ACSBG1: variants seen among roughly 807,000 people sequenced by gnomAD.
ACSBG1 encodes acyl-CoA synthetase bubblegum family member 1.
A neutral mutation model predicts 80.2 loss-of-function variants in ACSBG1; 39 were observed. The observed-to-expected ratio is 0.49, with a 90% CI of 0.38 to 0.64. The LOEUF (loss-of-function observed/expected upper bound fraction) is 0.64, where lower values mean the gene tolerates loss of function less well. ACSBG1 is among the 30% of genes least tolerant of loss of function. The pLI is 0.00. For missense variants in ACSBG1, 828 were observed against 966.4 expected (o/e 0.86, Z 1.90); for synonymous variants, 392 against 379.5 (o/e 1.03, Z -0.38).
chr15:78,206,154 C>T (rs951762350), intron 2 of ACSBG1, among the ~76,000 whole-genome samples: 8 of 152,312 alleles, frequency 5.3e-5, no homozygotes, highest in South Asian at 4.1e-4. Flanking sequence ...CGGTGGCCTC[C>T]GCTCTGGGCG....
In ACSBG1 at chr15:78,173,838, C is replaced by T; in HGVS notation, c.1844G>A (p.Cys615Tyr). 1 of 1,613,400 alleles carries T rather than the reference C, an allele frequency of 6.2e-7. No individual in the cohort carries two copies. The highest frequency in any genetic ancestry group is 1.3e-5 in the African/African-American group (1 of 75,030). ...GTCAGAGGTGTCTGGGTCCAGAGTG[C>T]ACTGAAAAGCCAGAGATCAGATGAG... ...KFLSMLLTLK[C>Y]TLDPDTSDQT... Residue 615 changes from cysteine to tyrosine, a missense_variant and splice_region_variant, in exon 13 of 14, where the codon TGC becomes TAC. Physicochemically the swap from Cys to Tyr is radical, Grantham distance 194. Around this residue, in one of 3 missense-constraint regions of ACSBG1, gnomAD observed 201 missense variants for 227.0 expected, o/e 0.89. Transcript: ENST00000258873.
In ACSBG1 at chr15:78,168,096, T is replaced by A. The variant is rs2074769788; in HGVS notation, c.*3348A>T. 6.6e-6 allele frequency: 1 copy of A among 152,068 alleles called. No individual in the cohort carries two copies. Among genetic ancestry groups the A allele is most frequent in the South Asian group, 2.1e-4 (1 of 4,818 alleles). 9.4% of individuals were successfully genotyped at this position (152,068 alleles called of 1,614,324 possible). The stretch of plus-strand genomic sequence containing the variant: ...ATAAGCTGGTAGAACAGATCAGTTG[T>A]ATGGGAGGCTTTCTTTCCTAAAGAG... On this transcript the variant is annotated 3_prime_UTR_variant, in exon 14 of 14. Transcript: ENST00000258873.
chr15:78,168,918 T>C lies in ACSBG1; in HGVS notation c.*2526A>G. On this transcript the variant is annotated 3_prime_UTR_variant, in exon 14 of 14. Transcript: ENST00000258873. The stretch of plus-strand genomic sequence containing the variant: ...CTTTTATTTTTGCTTTTTCCTTTTC[T>C]CAGAGCTTGACAAAAGATTTGGGAG... 6.3e-7 allele frequency: 1 copy of C among 1,585,588 alleles called. No homozygotes were observed. The highest frequency in any genetic ancestry group is 2.3e-5 in the East Asian group (1 of 44,444).
At chr15:78,218,873 G>A (rs760614303) in intron 1 of ACSBG1, among the ~76,000 whole-genome samples, 66 of 149,086 alleles carry the variant, frequency 4.4e-4, no homozygotes, top group Non-Finnish European at 8.3e-4. Flanking sequence ...GTGCAGTGGC[G>A]CGATCTTGGC....
chr15:78,189,044 T>C (rs1595886684), intron 5 of ACSBG1, among the ~76,000 whole-genome samples: 1 of 152,028 alleles, frequency 6.6e-6, no homozygotes, highest in East Asian at 1.9e-4. Flanking sequence ...AGAAGACATC[T>C]ATGCAGCCAA....
At position 78,168,296 on chromosome 15, in the gene ACSBG1, T is replaced by C. The variant is rs996513340; in HGVS notation, c.*3148A>G. 1.3e-5 allele frequency: 2 copies of C among 151,924 alleles called. No homozygotes were observed. Among genetic ancestry groups the C allele is most frequent in the African/African-American group, 4.8e-5 (2 of 41,342 alleles). The allele number at this position is 151,924 out of a possible 1,614,324, so 9.4% of individuals were successfully genotyped here. The stretch of plus-strand genomic sequence containing the variant: ...AGAGTTAATGATTTAAATATTTCTT[T>C]CGTATTTGTGTCCCAGCCTCCAAAA... On this transcript the variant is annotated 3_prime_UTR_variant, in exon 14 of 14. Coordinates refer to ENST00000258873, the MANE Select transcript of ACSBG1 (RefSeq NM_015162.5).
At position 78,177,331 on chromosome 15, in the gene ACSBG1, T is replaced by A. The variant is rs1229456709; in HGVS notation, c.1702+1283A>T. Among the ~76,000 whole-genome samples the A allele has an allele frequency of 6.6e-6, 1 of 152,144 alleles. No individual in the cohort carries two copies. The highest frequency in any genetic ancestry group is 1.5e-5 in the Non-Finnish European group (1 of 68,038). ...AGAATAGAGTCCACACATAGACCTC[T>A]CATAGACAGTCACTTCATAAAGGAC... On this transcript the variant is annotated intron_variant, in intron 11 of 13. Transcript: ENST00000258873. This position sits in a 1 kb window ranked among gnomAD's most constrained non-coding sequence, Gnocchi z 4.1.
At chr15:78,234,276 A>AG in intron 1 of ACSBG1, 95 bp downstream of exon 1, 3 of 1,500,018 alleles carry the variant, frequency 2.0e-6, no homozygotes, top group South Asian at 2.5e-5. Context: ...ACTGAGGCTC[A>AG]GAGAGAGAAG....
chr15:78,184,368 CA>C (rs1181935632), intron 5 of ACSBG1, among the ~76,000 whole-genome samples: 35 of 151,318 alleles, frequency 2.3e-4, no homozygotes, highest in African/African-American at 8.3e-4. Flanking sequence ...TTTGTAGAGA[CA>C]GGGGGGTCTC....
rs190345379 is a variant in ACSBG1, at chr15:78,214,186, C to T, written c.132-6084G>A. ...CTCCTCCTTCACTACAGGGACTAGC[C>T]GGTCTGTGGCAGCAGCCAGCCCCCA... On this transcript the variant is annotated intron_variant, in intron 1 of 13. Coordinates refer to ENST00000258873, the MANE Select transcript of ACSBG1 (RefSeq NM_015162.5). Among the ~76,000 whole-genome samples the T allele has an allele frequency of 6.4e-3, 968 of 152,318 alleles. 9 individuals carry two copies. Among genetic ancestry groups the T allele is most frequent in the African/African-American group, 0.022 (934 of 41,580 alleles).
chr15:78,199,390 T>C (rs1268760277), intron 2 of ACSBG1, among the ~76,000 whole-genome samples: 1 of 151,704 alleles, frequency 6.6e-6, no homozygotes, highest in Non-Finnish European at 1.5e-5. Flanking sequence ...TGGCCATATT[T>C]TTCTATTACG....
intron 1 of ACSBG1, among the ~76,000 whole-genome samples, chr15:78,209,586 C>T (rs956067665): frequency 2.6e-5 from 4 of 152,116 alleles, no homozygotes; most frequent in African/African-American, 4.8e-5. Flanking sequence ...CACTTTGGGC[C>T]GCAATGTTAC....
rs1422277654 is a variant in ACSBG1 at position 78,181,913 on chromosome 15, T to C, written c.1071+56A>G. 8.2e-6 allele frequency: 13 copies of C among 1,579,694 alleles called. No homozygotes were observed. The Admixed American group carries it at 1.6e-4, about 19-fold the overall frequency. On this transcript the variant is annotated intron_variant, in intron 8 of 13. Transcript: ENST00000258873. ...AATGCACTCAGGGCCCACAGACACA[T>C]GTGGACGTGGCCTGGCACACGGGCT...
chr15:78,214,525 C>T (rs977491639), intron 1 of ACSBG1, among the ~76,000 whole-genome samples: 6 of 152,084 alleles, frequency 3.9e-5, no homozygotes, highest in African/African-American at 1.4e-4. Context: ...TTTCAAACTC[C>T]ACCTCCCAGG....
intron 13 of ACSBG1, 150 bp downstream of exon 13, chr15:78,173,443 G>T: frequency 4.2e-6 from 4 of 947,476 alleles, no homozygotes; most frequent in East Asian, 3.2e-5. Context: ...AGCCATCAAT[G>T]TCCTCTAACA....
intron 1 of ACSBG1, among the ~76,000 whole-genome samples, chr15:78,223,417 A>T (rs2075374869): frequency 6.6e-6 from 1 of 152,214 alleles, no homozygotes. Context: ...CACATCCTGC[A>T]CATGTACCAC....
chr15:78,171,578 C>T (rs1342964916), intron 13 of ACSBG1, 49 bp from the exon 14 acceptor site: 1 of 1,491,028 alleles, frequency 6.7e-7, no homozygotes, highest in African/African-American at 1.4e-5. Flanking sequence ...TCTGAGAACT[C>T]TGAGAATGTG....
intron 5 of ACSBG1, among the ~76,000 whole-genome samples, chr15:78,183,059 T>TCCAG (rs1200837331): frequency 2.6e-5 from 4 of 152,056 alleles, no homozygotes; most frequent in African/African-American, 9.7e-5. Flanking sequence ...CAAACCATGA[T>TCCAG]CCAGCCACAC....
chr15:78,191,050 A>C (rs2075052835), intron 5 of ACSBG1, among the ~76,000 whole-genome samples: 2 of 152,360 alleles, frequency 1.3e-5, no homozygotes, highest in Admixed American at 1.3e-4. Context: ...CAGCTAGGTT[A>C]AAATTAAAAG....
Sources: allele counts gnomAD v4.1 joint callset (sites outside exome capture counted in the v4.1 genomes callset), GRCh38; gene constraint gnomAD v4.1.1; regional missense constraint gnomAD v4.1.1; non-coding constraint Gnocchi (gnomAD v3.1); transcripts MANE v1.5; gene names NCBI Gene and HGNC (gene_info 2026-07-23, HGNC 2026-07-21).